Variants in REPS2 observed in about 807,000 individuals in gnomAD.
The protein encoded by REPS2 is RALBP1 associated Eps domain containing 2.
Under a neutral mutation model 53.6 loss-of-function variants are expected in REPS2, and 23 were observed. That is an observed-to-expected ratio of 0.43 (90% confidence interval 0.31 to 0.61). The LOEUF is 0.61. Among genes scored for constraint, REPS2 ranks in the 20% least tolerant of loss-of-function variants. The pLI is 0.11. For missense variants in REPS2, 446 were observed against 534.9 expected, an observed-to-expected ratio of 0.83 and a Z score of 1.64; for synonymous variants, 238 against 218.6, an observed-to-expected ratio of 1.09 and a Z score of -0.78.
At chrX:17,053,096 C>A (rs2062024559) in intron 7 of REPS2, among the ~76,000 whole-genome samples, 1 of 111,451 alleles carries the variant, frequency 9.0e-6, no homozygotes, top group South Asian at 3.8e-4. Context: ...AGTTCTTCCC[C>A]AAAACTGGGC....
chrX:17,038,884 A>G (rs928563640), intron 5 of REPS2, among the ~76,000 whole-genome samples: 2 of 112,119 alleles, frequency 1.8e-5, no homozygotes, highest in Non-Finnish European at 3.8e-5. Context: ...GATGGCTCAG[A>G]AGTTAATTTA....
intron 1 of REPS2, among the ~76,000 whole-genome samples, chrX:16,982,080 G>T (rs1203207817): frequency 9.0e-6 from 1 of 111,680 alleles, no homozygotes; most frequent in African/African-American, 3.3e-5. Flanking sequence ...GTAACCTTTT[G>T]TGACTGGCTT....
In REPS2 at chrX:17,104,454, A is replaced by G. The variant is rs1468932792; in HGVS notation, c.1578+675A>G. Among the ~76,000 whole-genome samples the G allele has an allele frequency of 2.7e-5, 3 of 111,991 alleles. No homozygotes were observed. In the East Asian group the frequency reaches 8.4e-4, roughly 31 times the overall value. ...CTTTCCTTTTGTTAATTGCTGCTGA[A>G]GAAACTTTCTATCTTTAAAGACCCT... On this transcript the variant is annotated intron_variant, in intron 14 of 17. Transcript: ENST00000357277.
chrX:16,953,500 T>C (rs184750052), intron 1 of REPS2, among the ~76,000 whole-genome samples: 1 of 111,767 alleles, frequency 8.9e-6, no homozygotes, highest in East Asian at 2.8e-4. Flanking sequence ...GATTTGAAGA[T>C]TTCTTTCTAC....
downstream of REPS2, among the ~76,000 whole-genome samples, chrX:17,154,747 A>G (rs1053673755): frequency 2.7e-5 from 3 of 112,691 alleles, no homozygotes; most frequent in Admixed American, 9.4e-5. Flanking sequence ...CTGGAATTCA[A>G]TTATCTGACA....
Position 17,012,229 on chromosome X carries a change from A to C in REPS2, c.397+5885A>C, listed in dbSNP as rs113901535. Among the ~76,000 whole-genome samples, 547 of 110,052 alleles carry C rather than the reference A, an allele frequency of 5.0e-3. 3 individuals carry two copies. The highest frequency in any genetic ancestry group is 0.017 in the African/African-American group (524 of 30,234). Reference sequence around the variant, plus strand: ...CCCGTCTCTACTAAAATAGAAAAAAATTAGCTGGGCGTGGTGACACACACC... The same window carrying C: ...CCCGTCTCTACTAAAATAGAAAAAACTTAGCTGGGCGTGGTGACACACACC... On this transcript the variant is annotated intron_variant, in intron 2 of 17. Transcript: ENST00000357277.
intron 1 of REPS2, among the ~76,000 whole-genome samples, chrX:16,968,178 G>A (rs2147673436): frequency 9.0e-6 from 1 of 111,293 alleles, no homozygotes; most frequent in Non-Finnish European, 1.9e-5. Context: ...AGATCAACAG[G>A]ATCCCAAGGC....
At chrX:17,076,404 T>C (rs747857337) in intron 12 of REPS2, among the ~76,000 whole-genome samples, 1 of 111,540 alleles carries the variant, frequency 9.0e-6, no homozygotes, top group African/African-American at 3.3e-5. Context: ...TGGGAACCCG[T>C]CCTTAAACCT....
At chrX:16,959,858 G>A (rs2060639252) in intron 1 of REPS2, among the ~76,000 whole-genome samples, 1 of 111,414 alleles carries the variant, frequency 9.0e-6, no homozygotes, top group Non-Finnish European at 1.9e-5. Flanking sequence ...CCAGACAAAA[G>A]ATACCAAGAT....
the REPS2 span, among the ~76,000 whole-genome samples, chrX:17,187,799 G>A: frequency 8.9e-6 from 1 of 112,179 alleles, no homozygotes; most frequent in Non-Finnish European, 1.9e-5. Flanking sequence ...CCACATCCAT[G>A]AATCATCTGT....
chrX:17,062,845 T>C (rs1245736161), intron 9 of REPS2, among the ~76,000 whole-genome samples: 2 of 112,218 alleles, frequency 1.8e-5, no homozygotes, highest in Non-Finnish European at 3.8e-5. Flanking sequence ...TCTAGCCAAG[T>C]TATTTACTTT....
chrX:16,978,573 A>G, intron 1 of REPS2: 4 of 751,689 alleles, frequency 5.3e-6, no homozygotes, highest in Non-Finnish European at 6.3e-6. Flanking sequence ...AAGGAGGAGC[A>G]GTTTTGCTGG....
intron 5 of REPS2, among the ~76,000 whole-genome samples, chrX:17,037,458 G>A (rs189165990): frequency 2.0e-4 from 22 of 112,141 alleles, no homozygotes; most frequent in African/African-American, 3.6e-4. Context: ...ACAGGCGTGC[G>A]CCACTGCGCC....
chrX:16,948,427 C>G (rs1012031082), intron 1 of REPS2, among the ~76,000 whole-genome samples: 1 of 112,206 alleles, frequency 8.9e-6, no homozygotes, highest in African/African-American at 3.2e-5. Flanking sequence ...TGAGCTGGAT[C>G]AGGTAAAGAG....
chrX:17,149,462 C>T lies in REPS2; in HGVS notation c.*1981C>T, dbSNP rs1375070611. Reference sequence around the variant, plus strand: ...CTGGGATTACAGGCACCCACCACCACGCTCAGCTAATTTTTGTATTTTTAG... The same window carrying T: ...CTGGGATTACAGGCACCCACCACCATGCTCAGCTAATTTTTGTATTTTTAG... On this transcript the variant is annotated 3_prime_UTR_variant, in exon 18 of 18. Transcript: ENST00000357277. The T allele has an allele frequency of 2.6e-5, 3 of 115,031 alleles. No homozygotes were observed. Among genetic ancestry groups the T allele is most frequent in the Admixed American group, 9.2e-5 (1 of 10,835 alleles). 9.5% of individuals were successfully genotyped at this position (115,031 alleles called of 1,213,427 possible).
intron 1 of REPS2, among the ~76,000 whole-genome samples, chrX:16,971,700 G>A (rs762308653): frequency 8.9e-6 from 1 of 111,904 alleles, no homozygotes; most frequent in East Asian, 2.8e-4. Flanking sequence ...TTTTGTACGT[G>A]GTGTGAAGTA....
intron 6 of REPS2, among the ~76,000 whole-genome samples, chrX:17,049,823 A>C (rs978604053): frequency 2.7e-5 from 3 of 111,589 alleles, no homozygotes; most frequent in African/African-American, 9.8e-5. Flanking sequence ...GGAGTCAAGA[A>C]GGTTAAAATA....
intron 1 of REPS2, among the ~76,000 whole-genome samples, chrX:16,970,202 T>A (rs2060869330): frequency 9.1e-6 from 1 of 109,882 alleles, no homozygotes; most frequent in African/African-American, 3.3e-5. Context: ...TCCCACTTTT[T>A]TTTTTTTTTT....
intron 1 of REPS2, among the ~76,000 whole-genome samples, chrX:16,974,998 A>G (rs2060939111): frequency 9.0e-6 from 1 of 111,654 alleles, no homozygotes; most frequent in South Asian, 3.7e-4. Context: ...TAGTTTGCTT[A>G]GGATAATGGC....
Sources: allele counts gnomAD v4.1 joint callset (sites outside exome capture counted in the v4.1 genomes callset), GRCh38; gene constraint gnomAD v4.1.1; transcripts MANE v1.5; gene names NCBI Gene and HGNC (gene_info 2026-07-23, HGNC 2026-07-21).